Variants in HS6ST3 observed in about 807,000 individuals in gnomAD.
The protein encoded by HS6ST3 is heparan sulfate 6-O-sulfotransferase 3, also known as heparan-sulfate 6-O-sulfotransferase 3.
HS6ST3 carries 12 observed loss-of-function variants against 36.7 expected under a neutral mutation model. The observed-to-expected ratio is 0.33, with a 90% CI of 0.21 to 0.53. The LOEUF (loss-of-function observed/expected upper bound fraction) is 0.53, where lower values mean the gene tolerates loss of function less well. Ranked by LOEUF, HS6ST3 falls within the 20% of genes least tolerant of loss-of-function variation. HS6ST3 has a pLI of 0.95. For synonymous variants in HS6ST3, 240 were observed against 257.5 expected (o/e 0.93, Z 0.65); for missense variants, 584 against 640.9 (o/e 0.91, Z 0.96).
At chr13:96,255,958 A>G (rs2054634840) in intron 1 of HS6ST3, among the ~76,000 whole-genome samples, 1 of 152,218 alleles carries the variant, frequency 6.6e-6, no homozygotes, top group South Asian at 2.1e-4. Flanking sequence ...TAAACTCACC[A>G]TTAACCAACT....
intron 1 of HS6ST3, among the ~76,000 whole-genome samples, chr13:96,394,765 C>A (rs150161351): frequency 2.0e-5 from 3 of 152,054 alleles, no homozygotes; most frequent in Non-Finnish European, 4.4e-5. Context: ...TGATACAGAA[C>A]GGTGTAAGAA....
intron 1 of HS6ST3, among the ~76,000 whole-genome samples, chr13:96,176,284 A>G (rs2054212308): frequency 6.6e-6 from 1 of 152,228 alleles, no homozygotes; most frequent in Admixed American, 6.5e-5. Context: ...AAGGAAAAGA[A>G]CTGAGGTGTG....
chr13:96,709,884 A>C (rs772957833), intron 1 of HS6ST3, among the ~76,000 whole-genome samples: 4 of 152,344 alleles, frequency 2.6e-5, no homozygotes, highest in East Asian at 1.9e-4. Context: ...GAAGTGGTAA[A>C]TTGAAACAGA....
intron 1 of HS6ST3, among the ~76,000 whole-genome samples, chr13:96,275,375 G>T (rs2054742934): frequency 1.3e-5 from 2 of 151,974 alleles, no homozygotes; most frequent in Admixed American, 6.6e-5. Context: ...TTGAGCTTTG[G>T]GTGTTATCAT....
At chr13:96,653,269 T>A (rs1465007824) in intron 1 of HS6ST3, among the ~76,000 whole-genome samples, 1 of 152,120 alleles carries the variant, frequency 6.6e-6, no homozygotes, top group Non-Finnish European at 1.5e-5. Flanking sequence ...TGTAGGTTTG[T>A]TACATTGGTA....
chr13:96,154,943 A>G (rs2054103444), intron 1 of HS6ST3, among the ~76,000 whole-genome samples: 1 of 152,166 alleles, frequency 6.6e-6, no homozygotes, highest in African/African-American at 2.4e-5. Flanking sequence ...AGCTAAGAAT[A>G]TAATACAAAT....
chr13:96,552,898 C>A (rs1044347768), intron 1 of HS6ST3, among the ~76,000 whole-genome samples: 19 of 152,174 alleles, frequency 1.2e-4, no homozygotes, highest in Admixed American at 3.3e-4. Flanking sequence ...GCTACCAGAA[C>A]TGGAGTGCAG....
intron 1 of HS6ST3, among the ~76,000 whole-genome samples, chr13:96,600,600 G>T (rs1566408179): frequency 6.6e-6 from 1 of 151,892 alleles, no homozygotes; most frequent in Non-Finnish European, 1.5e-5. Flanking sequence ...CATATATTTG[G>T]TGTGCTTTTT....
chr13:96,216,826 G>A (rs957482067), intron 1 of HS6ST3, among the ~76,000 whole-genome samples: 7 of 152,114 alleles, frequency 4.6e-5, no homozygotes, highest in Admixed American at 3.9e-4. Context: ...AGCACACTAA[G>A]ACAGGTTACA....
intron 1 of HS6ST3, among the ~76,000 whole-genome samples, chr13:96,542,112 A>G (rs1365824489): frequency 6.6e-6 from 1 of 152,212 alleles, no homozygotes; most frequent in Non-Finnish European, 1.5e-5. Context: ...TCTGGGATAA[A>G]TACTTAACAA....
At chr13:96,735,224 AG>A (rs1876253115) in intron 1 of HS6ST3, among the ~76,000 whole-genome samples, 1 of 151,960 alleles carries the variant, frequency 6.6e-6, no homozygotes, top group African/African-American at 2.4e-5. Flanking sequence ...AATCATCTAA[AG>A]AAAAAAAAAA....
chr13:96,488,011 G>GA (rs2055924336), intron 1 of HS6ST3, among the ~76,000 whole-genome samples: 1 of 151,966 alleles, frequency 6.6e-6, no homozygotes, highest in Non-Finnish European at 1.5e-5. Flanking sequence ...TACTTGTCAG[G>GA]AAAAAAATTA....
chr13:96,731,787 C>T (rs1432023246), intron 1 of HS6ST3, among the ~76,000 whole-genome samples: 1 of 151,944 alleles, frequency 6.6e-6, no homozygotes, highest in East Asian at 1.9e-4. Context: ...TCCCTGGTAG[C>T]TGGGACTACA....
At chr13:96,784,159 T>C (rs535975844) in intron 1 of HS6ST3, among the ~76,000 whole-genome samples, 1 of 151,866 alleles carries the variant, frequency 6.6e-6, no homozygotes, top group African/African-American at 2.4e-5. Flanking sequence ...TGTATCAATA[T>C]CTGCTTTATC....
intron 1 of HS6ST3, among the ~76,000 whole-genome samples, chr13:96,638,870 A>T (rs2056559129): frequency 6.6e-6 from 1 of 152,044 alleles, no homozygotes; most frequent in Non-Finnish European, 1.5e-5. Context: ...AGAATTAAAA[A>T]AAAAATAAGA....
chr13:96,402,855 GA>G (rs1687061936), intron 1 of HS6ST3, among the ~76,000 whole-genome samples: 1 of 152,172 alleles, frequency 6.6e-6, no homozygotes, highest in African/African-American at 2.4e-5. Flanking sequence ...GGGCTTTTAT[GA>G]AGAAAATTGC....
chr13:96,481,149 A>C (rs6491298), intron 1 of HS6ST3, among the ~76,000 whole-genome samples: 149,380 of 152,308 alleles, frequency 0.98, 73,312 homozygotes, highest in East Asian at 1. Flanking sequence ...GTACCTCATG[A>C]CCATCTCTGT....
chr13:96,785,526 C>T lies in HS6ST3; in HGVS notation c.708-46964C>T, dbSNP rs558421003. On this transcript the variant is annotated intron_variant, in intron 1 of 1. Coordinates refer to ENST00000376705, the MANE Select transcript of HS6ST3 (RefSeq NM_153456.4). ...ACCAAATAGAATCTGAGCTGCCTGT[C>T]TCCTGGTCCACTGTTGCAAGTGGGC... Among the ~76,000 whole-genome samples, 209 of 152,284 alleles carry T rather than the reference C, an allele frequency of 1.4e-3. 1 individual carries two copies. The highest frequency in any genetic ancestry group is 2.6e-3 in the Non-Finnish European group (179 of 68,036).
chr13:96,290,891 A>G (rs959899363), intron 1 of HS6ST3, among the ~76,000 whole-genome samples: 3 of 152,088 alleles, frequency 2.0e-5, no homozygotes, highest in Admixed American at 6.6e-5. Flanking sequence ...TGACCTCTTC[A>G]CTGTTCCTCC....
Sources: gnomAD v4.1 joint callset for allele counts (sites outside exome capture counted in the v4.1 genomes callset) on GRCh38, gnomAD v4.1.1 for gene constraint, MANE v1.5 for transcripts, NCBI Gene and HGNC (gene_info 2026-07-23, HGNC 2026-07-21) for gene names.